The following TRAPPC9 variants were observed in gnomAD, a reference collection of about 807,000 sequenced individuals.
TRAPPC9 encodes trafficking protein particle complex subunit 9.
TRAPPC9 carries 83 observed loss-of-function variants against 124.0 expected under a neutral mutation model. The observed-to-expected ratio is 0.67, with a 90% confidence interval of 0.56 to 0.80. The LOEUF is 0.80. TRAPPC9 is among the 30% of genes least tolerant of loss of function. The pLI is 0.00. For missense variants in TRAPPC9, 1,302 were observed against 1,508.3 expected, an observed-to-expected ratio of 0.86 and a Z score of 2.27; for synonymous variants, 638 against 617.5, an observed-to-expected ratio of 1.03 and a Z score of -0.49.
chr8:139,887,744 T>C (rs1444567183), intron 20 of TRAPPC9, among the ~76,000 whole-genome samples: 5 of 152,186 alleles, frequency 3.3e-5, no homozygotes, highest in Non-Finnish European at 7.3e-5. Flanking sequence ...CTAGACACGG[T>C]CATCTTCCTG....
At chr8:140,029,854 G>A (rs532749213) in intron 17 of TRAPPC9, among the ~76,000 whole-genome samples, 3 of 151,848 alleles carry the variant, frequency 2.0e-5, no homozygotes, top group East Asian at 1.9e-4. Context: ...AACTATTCAT[G>A]AGGCCTATAT....
intron 21 of TRAPPC9, among the ~76,000 whole-genome samples, chr8:139,860,549 C>A (rs1828063217): frequency 1.3e-5 from 2 of 152,210 alleles, no homozygotes; most frequent in Admixed American, 1.3e-4. Context: ...AGTCCTCATG[C>A]ATGCTCAGGT....
At chr8:140,376,130 T>C (rs2068430373) in intron 7 of TRAPPC9, among the ~76,000 whole-genome samples, 1 of 152,158 alleles carries the variant, frequency 6.6e-6, no homozygotes, top group Non-Finnish European at 1.5e-5. Flanking sequence ...CTGTCTAAAG[T>C]AATTGGATCC....
chr8:139,738,935 T>C (rs1429777041), intron 21 of TRAPPC9, among the ~76,000 whole-genome samples: 7 of 152,140 alleles, frequency 4.6e-5, no homozygotes, highest in Non-Finnish European at 8.8e-5. Context: ...GAGTGTCAGA[T>C]CCTCTATGAG....
intron 17 of TRAPPC9, among the ~76,000 whole-genome samples, chr8:140,180,847 T>C (rs1384357806): frequency 1.3e-5 from 2 of 152,218 alleles, no homozygotes; most frequent in East Asian, 3.8e-4. Context: ...AGTAATTTGA[T>C]TAACTTATGT....
chr8:140,357,769 G>C (rs552017640), intron 9 of TRAPPC9, among the ~76,000 whole-genome samples: 2 of 152,314 alleles, frequency 1.3e-5, no homozygotes, highest in African/African-American at 2.4e-5. Flanking sequence ...CGAAACGCCG[G>C]AGTGCAAATG....
chr8:139,736,330 C>T (rs947173361), intron 21 of TRAPPC9, among the ~76,000 whole-genome samples: 1 of 152,236 alleles, frequency 6.6e-6, no homozygotes, highest in Admixed American at 6.5e-5. Context: ...GCCAGGCAAA[C>T]TGGGACGGTG....
At chr8:140,373,281 A>G (rs12548656) in intron 7 of TRAPPC9, among the ~76,000 whole-genome samples, 18,803 of 152,236 alleles carry the variant, frequency 0.12, 2,086 homozygotes, top group East Asian at 0.54. Flanking sequence ...TCTAAGTCCA[A>G]TGAAATACTC....
intron 17 of TRAPPC9, among the ~76,000 whole-genome samples, chr8:140,076,848 A>G (rs1843538349): frequency 2.0e-5 from 3 of 152,244 alleles, no homozygotes; most frequent in Admixed American, 2.0e-4. Flanking sequence ...TGTAAATAAC[A>G]TTTATATAAT....
chr8:139,763,836 G>A (rs1215879326), intron 21 of TRAPPC9, among the ~76,000 whole-genome samples: 1 of 152,260 alleles, frequency 6.6e-6, no homozygotes, highest in African/African-American at 2.4e-5. Context: ...CAGCAGGCCA[G>A]TGATGGAGCA....
At chr8:139,919,155 C>T (rs116028895) in intron 19 of TRAPPC9, among the ~76,000 whole-genome samples, 3,504 of 152,316 alleles carry the variant, frequency 0.023, 113 homozygotes, top group Middle Eastern at 0.085. Context: ...GGAAGGGGTG[C>T]TGTGCCGAGG....
At chr8:140,239,904 A>C (rs545380714) in intron 16 of TRAPPC9, among the ~76,000 whole-genome samples, 26 of 152,346 alleles carry the variant, frequency 1.7e-4, no homozygotes, top group Middle Eastern at 3.4e-3. Context: ...AATTCCAAAA[A>C]TTAGTATTTA....
chr8:140,260,933 A>T (rs1466788737), intron 15 of TRAPPC9, among the ~76,000 whole-genome samples: 1 of 152,200 alleles, frequency 6.6e-6, no homozygotes, highest in Non-Finnish European at 1.5e-5. Context: ...CTTTGAAAAG[A>T]TATGGCAGAA....
At chr8:140,217,664 C>T (rs947257158) in intron 17 of TRAPPC9, among the ~76,000 whole-genome samples, 8 of 152,136 alleles carry the variant, frequency 5.3e-5, no homozygotes, top group African/African-American at 1.7e-4. Context: ...GAATCCCTAC[C>T]GTAACAAGGA....
At chr8:139,856,727 G>C (rs1340436980) in intron 21 of TRAPPC9, among the ~76,000 whole-genome samples, 1 of 125,176 alleles carries the variant, frequency 8.0e-6, no homozygotes, top group Non-Finnish European at 1.7e-5. Context: ...TCAAAAACCA[G>C]CACCTGCAAA....
intron 21 of TRAPPC9, among the ~76,000 whole-genome samples, chr8:139,764,292 T>C (rs1324354708): frequency 2.5e-4 from 38 of 151,852 alleles, no homozygotes; most frequent in Admixed American, 2.5e-3. Flanking sequence ...GGCAGTGAAA[T>C]GGGGTGGCTG....
intron 19 of TRAPPC9, among the ~76,000 whole-genome samples, chr8:139,917,113 A>G (rs1455391896): frequency 1.3e-5 from 2 of 151,100 alleles, no homozygotes; most frequent in Non-Finnish European, 2.9e-5. Context: ...TTTATCCTTC[A>G]GCCTCCTAGA....
At chr8:140,134,844 T>C (rs76728022) in intron 17 of TRAPPC9, among the ~76,000 whole-genome samples, 7,953 of 152,224 alleles carry the variant, frequency 0.052, 311 homozygotes, top group African/African-American at 0.11. Flanking sequence ...TTTCAAACTT[T>C]GGTGAATCAA....
chr8:139,852,061 T>A (rs1303472917), intron 21 of TRAPPC9, among the ~76,000 whole-genome samples: 2 of 152,174 alleles, frequency 1.3e-5, no homozygotes, highest in Non-Finnish European at 2.9e-5. Flanking sequence ...GGGCAGGTCT[T>A]TCCTGCGCTG....
Sources: allele counts gnomAD v4.1 joint callset (sites outside exome capture counted in the v4.1 genomes callset), GRCh38; gene constraint gnomAD v4.1.1; transcripts MANE v1.5; gene names NCBI Gene and HGNC (gene_info 2026-07-23, HGNC 2026-07-21).